Variants in RIMBP2 observed in about 807,000 individuals in gnomAD.
RIMBP2 encodes the protein RIMS-binding protein 2.
In RIMBP2, 48 loss-of-function variants were observed where a neutral mutation model predicts 118.6. That is an observed-to-expected ratio of 0.40 (90% CI 0.32 to 0.51). The LOEUF is 0.51. RIMBP2 is among the 20% of genes least tolerant of loss of function. The probability of loss-of-function intolerance (pLI) is 0.41; values close to 1 mark genes in which losing one functional copy is unlikely to be tolerated. For synonymous variants in RIMBP2, 762 were observed against 742.9 expected, an observed-to-expected ratio of 1.03 and a Z score of -0.42; for missense variants, 1,551 against 1,768.3, an observed-to-expected ratio of 0.88 and a Z score of 2.20.
intron 2 of RIMBP2, among the ~76,000 whole-genome samples, chr12:130,614,991 C>A: frequency 6.7e-6 from 1 of 149,016 alleles, no homozygotes; most frequent in Non-Finnish European, 1.5e-5. Context: ...AATAGGACAG[C>A]TTGGACAGCT....
rs2137287059 is a variant in RIMBP2 at position 130,447,700 on chromosome 12, A to G, written c.582-2431T>C. Among the ~76,000 whole-genome samples, 1 of 152,258 alleles carries G rather than the reference A, an allele frequency of 6.6e-6. No homozygotes were observed. Among genetic ancestry groups the G allele is most frequent in the Non-Finnish European group, 1.5e-5 (1 of 68,012 alleles). ...ACCATCTCTCCGTACAGCTGGCGAA[A>G]GGAAGGATGGTGATGAATGTGTCAG... is the stretch of plus-strand genomic sequence containing the variant. On this transcript the variant is annotated intron_variant, in intron 9 of 22. Transcript: ENST00000690449. The surrounding 1 kb of genome is among the most constrained non-coding windows in gnomAD (Gnocchi z 4.4).
rs561599242 is a variant in RIMBP2 at position 130,421,259 on chromosome 12, G to A, written c.3238+1194C>T. ...AAGGAATCTGGGCTCCACTAACCCT[G>A]CTAGCTGATCTGTAATAAGTGCCAT... On this transcript the variant is annotated intron_variant, in intron 17 of 22. Transcript: ENST00000690449. Among the ~76,000 whole-genome samples the A allele has an allele frequency of 4.6e-4, 70 of 152,366 alleles. 2 individuals carry two copies. The South Asian group carries it at 0.014, about 30-fold the overall frequency.
rs2058225896 is a variant in RIMBP2 at position 130,578,260 on chromosome 12, C to T, written c.-217+50062G>A. On this transcript the variant is annotated intron_variant, in intron 2 of 22. Transcript: ENST00000690449. The surrounding 1 kb of genome is among the most constrained non-coding windows in gnomAD (Gnocchi z 4.1). ...CCATCCACTTCTGAACCTTCCTGTT[C>T]TCTGCCTCTACTGGCCTCTGGTCTA... Among the ~76,000 whole-genome samples, 1 of 152,214 alleles carries T rather than the reference C, an allele frequency of 6.6e-6. No homozygotes were observed. The highest frequency in any genetic ancestry group is 2.1e-4 in the South Asian group (1 of 4,836).
chr12:130,402,357 C>T (rs535873085), intron 21 of RIMBP2, among the ~76,000 whole-genome samples: 4 of 152,192 alleles, frequency 2.6e-5, no homozygotes, highest in Admixed American at 2.0e-4. Context: ...CTCCCCCAGA[C>T]GACATTCTCT....
chr12:130,697,458 G>C (rs2065629436), intron 1 of RIMBP2, among the ~76,000 whole-genome samples: 1 of 152,182 alleles, frequency 6.6e-6, no homozygotes, highest in South Asian at 2.1e-4. Context: ...AGGAGTTCAA[G>C]GCTGCAGTGG....
Position 130,437,214 on chromosome 12 carries a change from G to C in RIMBP2, c.1734C>G (p.Gly578=). ...GGGCGGAGAGGGTCCGCACGGTCAC[G>C]CCCTTGGCCTCCAGGCTCCGCAGCC... The part of the protein sequence containing the change: ...LVRLRSLEAK[G]VTVRTLSAQG... Residue 578 remains glycine, a synonymous_variant, in exon 13 of 23, where the codon GGC becomes GGG. Transcript: ENST00000690449. 4 of 1,584,762 alleles carry C rather than the reference G, an allele frequency of 2.5e-6. No homozygotes were observed. The highest frequency in any genetic ancestry group is 3.4e-6 in the Non-Finnish European group (4 of 1,169,674).
chr12:130,513,944 T>C (rs1284967956), intron 3 of RIMBP2, among the ~76,000 whole-genome samples: 1 of 152,234 alleles, frequency 6.6e-6, no homozygotes, highest in East Asian at 1.9e-4. Context: ...AGGTTTGCAT[T>C]GACAAGCCTA....
intron 1 of RIMBP2, among the ~76,000 whole-genome samples, chr12:130,664,873 C>G (rs2063850908): frequency 6.6e-6 from 1 of 151,784 alleles, no homozygotes; most frequent in Non-Finnish European, 1.5e-5. Flanking sequence ...GGGGGCGGGG[C>G]AGGGAAGGCT....
At chr12:130,418,557 G>A (rs1053504543) in intron 17 of RIMBP2, among the ~76,000 whole-genome samples, 2 of 152,110 alleles carry the variant, frequency 1.3e-5, no homozygotes, top group Admixed American at 6.6e-5. Context: ...TCCAGGTACG[G>A]AAAAATGCCA....
intron 2 of RIMBP2, among the ~76,000 whole-genome samples, chr12:130,604,586 CT>C (rs71088767): frequency 4.9e-4 from 28 of 56,736 alleles, no homozygotes; most frequent in Admixed American, 2.1e-3. Flanking sequence ...CCTTTTCTTT[CT>C]TTTTTTTTTT....
Position 130,562,705 on chromosome 12 carries a change from G to A in RIMBP2, c.-216-44788C>T, listed in dbSNP as rs570565311. On this transcript the variant is annotated intron_variant, in intron 2 of 22. Transcript: ENST00000690449. ...AAGGAGCTTAGCCTTGGCTACAAGG[G>A]TGGGGCCTTGGAAAAGGAGTGGAAA... Among the ~76,000 whole-genome samples, 14 of 152,364 alleles carry A rather than the reference G, an allele frequency of 9.2e-5. No individual in the cohort carries two copies. The South Asian group carries it at 2.9e-3, about 32-fold the overall frequency.
chr12:130,710,273 C>G lies in RIMBP2; in HGVS notation c.-352+5949G>C, dbSNP rs1251655926. ...GCTCCTTCTCAGGGTCCTGTCTCAGCTTCAACGCCACCTCCTCCCTGAGAC... is the reference window on the plus strand; with the variant it reads ...GCTCCTTCTCAGGGTCCTGTCTCAGGTTCAACGCCACCTCCTCCCTGAGAC... On this transcript the variant is annotated intron_variant, in intron 1 of 22. Transcript: ENST00000690449. The surrounding 1 kb of genome is among the most constrained non-coding windows in gnomAD (Gnocchi z 4.3). Among the ~76,000 whole-genome samples, 1 of 152,150 alleles carries G rather than the reference C, an allele frequency of 6.6e-6. No homozygotes were observed.
chr12:130,476,640 T>G (rs763433271), intron 5 of RIMBP2, among the ~76,000 whole-genome samples: 1 of 152,202 alleles, frequency 6.6e-6, no homozygotes, highest in Non-Finnish European at 1.5e-5. Flanking sequence ...GCCCCAGCCC[T>G]CGGCGTGGTG....
chr12:130,646,440 T>TCACCACCTCCCTC (rs1305504375), intron 1 of RIMBP2, among the ~76,000 whole-genome samples: 1 of 111,080 alleles, frequency 9.0e-6, no homozygotes, highest in Admixed American at 1.1e-4. Context: ...TCCACCTCCC[T>TCACCACCTCCCTC]TGCCACCTCC....
At position 130,581,255 on chromosome 12, in the gene RIMBP2, G is replaced by A. The variant is rs114645216; in HGVS notation, c.-217+47067C>T. Among the ~76,000 whole-genome samples, 432 of 152,216 alleles carry A rather than the reference G, an allele frequency of 2.8e-3. 1 individual carries two copies. Among genetic ancestry groups the A allele is most frequent in the African/African-American group, 9.6e-3 (400 of 41,514 alleles). The stretch of plus-strand genomic sequence containing the variant: ...GTCCCAGGTCACACAGGGGTGTGCC[G>A]GGAGTCAGGTTCAAACACAACAGGG... On this transcript the variant is annotated intron_variant, in intron 2 of 22. Coordinates refer to ENST00000690449, the MANE Select transcript of RIMBP2 (RefSeq NM_001393629.1). This position sits in a 1 kb window ranked among gnomAD's most constrained non-coding sequence, Gnocchi z 4.4.
At chr12:130,559,324 C>A (rs2056626312) in intron 2 of RIMBP2, among the ~76,000 whole-genome samples, 3 of 152,112 alleles carry the variant, frequency 2.0e-5, no homozygotes, top group Non-Finnish European at 4.4e-5. Context: ...CTACCCCATG[C>A]CCTGGCCCCA....
chr12:130,623,850 G>A lies in RIMBP2; in HGVS notation c.-217+4472C>T, dbSNP rs906940098. On this transcript the variant is annotated intron_variant, in intron 2 of 22. Transcript: ENST00000690449. This position sits in a 1 kb window ranked among gnomAD's most constrained non-coding sequence, Gnocchi z 4.1. ...TCATCCCTCAAGCAGATAATCCCACGGTGTACACCACAGTCTCCCAGAGGT... is the reference window on the plus strand; with the variant it reads ...TCATCCCTCAAGCAGATAATCCCACAGTGTACACCACAGTCTCCCAGAGGT... Among the ~76,000 whole-genome samples the A allele has an allele frequency of 4.6e-5, 7 of 152,102 alleles. No individual in the cohort carries two copies. Among genetic ancestry groups the A allele is most frequent in the Non-Finnish European group, 5.9e-5 (4 of 68,018 alleles).
At chr12:130,641,915 T>C (rs1307737742) in intron 1 of RIMBP2, among the ~76,000 whole-genome samples, 1 of 152,152 alleles carries the variant, frequency 6.6e-6, no homozygotes, top group African/African-American at 2.4e-5. Flanking sequence ...CTCAGTGCTG[T>C]ACGTCATTAA....
chr12:130,673,815 T>G (rs2064309410), intron 1 of RIMBP2, among the ~76,000 whole-genome samples: 1 of 152,090 alleles, frequency 6.6e-6, no homozygotes, highest in South Asian at 2.1e-4. Flanking sequence ...TGTTTAAAAG[T>G]GTGTAGCACT....
Sources: gnomAD v4.1 joint callset for allele counts (sites outside exome capture counted in the v4.1 genomes callset) on GRCh38, gnomAD v4.1.1 for gene constraint, Gnocchi (gnomAD v3.1) non-coding constraint, MANE v1.5 for transcripts, NCBI Gene and HGNC (gene_info 2026-07-23, HGNC 2026-07-21) for gene names.